The following GALNT10 variants were observed in gnomAD, a reference collection of about 807,000 sequenced individuals.
GALNT10 encodes the protein GalNAc transferase 10.
Under a neutral mutation model 75.0 loss-of-function variants are expected in GALNT10, and 41 were observed. The ratio of observed to expected loss-of-function variants is 0.55; its 90% CI spans 0.43 to 0.71. GALNT10 has a LOEUF of 0.71. Ranked by LOEUF, GALNT10 falls within the 30% of genes least tolerant of loss-of-function variation. The pLI is 0.00. For missense variants in GALNT10, 727 were observed against 818.5 expected (o/e 0.89, Z 1.36); for synonymous variants, 302 against 313.0 (o/e 0.96, Z 0.37).
chr5:154,239,260 C>T (rs576480412), intron 1 of GALNT10, among the ~76,000 whole-genome samples: 1 of 152,340 alleles, frequency 6.6e-6, no homozygotes, highest in Admixed American at 6.5e-5. Context: ...GAGGTTCTCT[C>T]GCCTCCCTTC....
intron 1 of GALNT10, chr5:154,217,923 A>G (rs557323463): frequency 4.2e-6 from 3 of 719,916 alleles, no homozygotes; most frequent in Non-Finnish European, 5.1e-6. Flanking sequence ...CTATAAATAA[A>G]TTGTACAGTT....
intron 1 of GALNT10, among the ~76,000 whole-genome samples, chr5:154,273,923 C>T (rs542941823): frequency 3.9e-5 from 6 of 152,304 alleles, no homozygotes; most frequent in East Asian, 1.9e-4. Flanking sequence ...GCTCCCCCTC[C>T]GCCTCCCAGT....
intron 1 of GALNT10, among the ~76,000 whole-genome samples, chr5:154,241,021 T>G (rs10059636): frequency 0.61 from 93,484 of 152,130 alleles, 29,748 homozygotes; most frequent in East Asian, 0.86. Flanking sequence ...GCTCAGTAAA[T>G]GGCTGGAGGT....
Position 154,409,148 on chromosome 5 carries a change from G to T in GALNT10, c.1165-393G>T, listed in dbSNP as rs1057150233. Among the ~76,000 whole-genome samples the T allele has an allele frequency of 4.6e-5, 7 of 152,204 alleles. No homozygotes were observed. Among genetic ancestry groups the T allele is most frequent in the Non-Finnish European group, 1.0e-4 (7 of 68,042 alleles). Reference sequence around the variant, plus strand: ...GTGATTGGTGGGGCTTAGGGAATGGGTCTGCTGTTTGACCAGCCCCTGCAC... The same window carrying T: ...GTGATTGGTGGGGCTTAGGGAATGGTTCTGCTGTTTGACCAGCCCCTGCAC... On this transcript the variant is annotated intron_variant, in intron 8 of 11. Transcript: ENST00000297107. This position sits in a 1 kb window ranked among gnomAD's most constrained non-coding sequence, Gnocchi z 4.5.
At chr5:154,294,052 A>C (rs1754238149) in intron 1 of GALNT10, among the ~76,000 whole-genome samples, 1 of 152,174 alleles carries the variant, frequency 6.6e-6, no homozygotes, top group African/African-American at 2.4e-5. Flanking sequence ...CAAAAAAAAG[A>C]ATGTAGGTTG....
chr5:154,333,047 G>A (rs925850643), intron 4 of GALNT10, among the ~76,000 whole-genome samples: 1 of 152,228 alleles, frequency 6.6e-6, no homozygotes, highest in Admixed American at 6.5e-5. Flanking sequence ...AGGCCCCAGA[G>A]AAGTCTCAGG....
At chr5:154,328,455 A>G (rs1178593078) in intron 3 of GALNT10, among the ~76,000 whole-genome samples, 3 of 152,242 alleles carry the variant, frequency 2.0e-5, no homozygotes, top group African/African-American at 7.2e-5. Context: ...TGTAATATGA[A>G]AAAACAAACT....
At chr5:154,359,382 G>A (rs1237243721) in intron 4 of GALNT10, among the ~76,000 whole-genome samples, 1 of 152,024 alleles carries the variant, frequency 6.6e-6, no homozygotes, top group East Asian at 1.9e-4. Flanking sequence ...TTCATGCTCA[G>A]CCCGATTTTG....
Position 154,420,261 on chromosome 5 carries a change from T to TTCCAAAG in GALNT10, c.*3292_*3298dup, listed in dbSNP as rs1465531091. Reference sequence around the variant, plus strand: ...TCTGTTAAAGATGTAACAAATGGATTTCCAAAGTCTACATGACATTCACTT... The same window carrying TTCCAAAG: ...TCTGTTAAAGATGTAACAAATGGATTTCCAAAGTCCAAAGTCTACATGACATTCACTT... On this transcript the variant is annotated 3_prime_UTR_variant, in exon 12 of 12. Transcript: ENST00000297107. 1 of 152,248 alleles carries TTCCAAAG rather than the reference T, an allele frequency of 6.6e-6. No homozygotes were observed. Among genetic ancestry groups the TTCCAAAG allele is most frequent in the Non-Finnish European group, 1.5e-5 (1 of 68,050 alleles). 9.4% of individuals were successfully genotyped at this position (152,248 alleles called of 1,614,324 possible).
chr5:154,361,917 T>C (rs1405381816), intron 4 of GALNT10, among the ~76,000 whole-genome samples: 1 of 152,170 alleles, frequency 6.6e-6, no homozygotes, highest in Non-Finnish European at 1.5e-5. Context: ...TGAGGAGCCA[T>C]GTGGCATTGC....
chr5:154,226,635 A>G (rs982093200), intron 1 of GALNT10, among the ~76,000 whole-genome samples: 2 of 152,182 alleles, frequency 1.3e-5, no homozygotes, highest in Non-Finnish European at 2.9e-5. Context: ...AGTGTTCTGT[A>G]CTTTCACCAT....
Position 154,386,314 on chromosome 5 carries a change from T to G in GALNT10, c.940T>G (p.Ser314Ala). 6.2e-7 allele frequency: 1 copy of G among 1,611,078 alleles called. No homozygotes were observed. Among genetic ancestry groups the G allele is most frequent in the Non-Finnish European group, 8.5e-7 (1 of 1,177,558 alleles). ...QKADPSDPFE[S>A]PVMAGGLFAV... is the part of the protein sequence containing the mutation. Reference sequence around the variant, plus strand: ...CACCATGTTCTTCTTCTCTGACAGGTCTCCCGTGATGGCCGGTGGACTGTT... The same window carrying G: ...CACCATGTTCTTCTTCTCTGACAGGGCTCCCGTGATGGCCGGTGGACTGTT... The change falls in exon 7 of 12, where the codon TCT becomes GCT. Residue 314 changes from serine (S) to alanine (A), a missense_variant and splice_region_variant. Ser to Ala is a moderately conservative substitution (Grantham distance 99). Coordinates refer to ENST00000297107, the MANE Select transcript of GALNT10 (RefSeq NM_198321.4).
At chr5:154,351,815 T>A (rs1018724743) in intron 4 of GALNT10, among the ~76,000 whole-genome samples, 3 of 152,254 alleles carry the variant, frequency 2.0e-5, no homozygotes, top group Non-Finnish European at 2.9e-5. Context: ...ATGACTTGCC[T>A]GAGGTTACAC....
At chr5:154,388,996 G>T (rs1755851991) in intron 7 of GALNT10, 1 of 151,678 alleles carries the variant, frequency 6.6e-6, no homozygotes, top group Admixed American at 6.6e-5. Flanking sequence ...CAGCAAATAG[G>T]TTTCTACTCC....
chr5:154,318,064 C>T (rs1007911984), intron 3 of GALNT10, among the ~76,000 whole-genome samples: 6 of 152,230 alleles, frequency 3.9e-5, no homozygotes, highest in African/African-American at 7.2e-5. Flanking sequence ...CTACTTATAA[C>T]GGGGCTGGAG....
rs555205247 is a variant in GALNT10 at position 154,335,900 on chromosome 5, T to C, written c.568+6162T>C. The stretch of plus-strand genomic sequence containing the variant: ...TACATTCTATGGATTTGGACAAGTG[T>C]AAAATGACATATATCTACCATATGA... On this transcript the variant is annotated intron_variant, in intron 4 of 11. Coordinates refer to ENST00000297107, the MANE Select transcript of GALNT10 (RefSeq NM_198321.4). 3.9e-5 allele frequency among the ~76,000 whole-genome samples: 6 copies of C among 152,308 alleles called. No individual in the cohort carries two copies. The East Asian group carries it at 1.2e-3, about 29-fold the overall frequency.
chr5:154,405,790 G>A (rs1389232453), intron 8 of GALNT10, among the ~76,000 whole-genome samples: 1 of 151,980 alleles, frequency 6.6e-6, no homozygotes, highest in Non-Finnish European at 1.5e-5. Context: ...AGGCTGCAGT[G>A]AGCTGTGTGT....
intron 1 of GALNT10, among the ~76,000 whole-genome samples, chr5:154,244,996 C>G (rs1753398152): frequency 6.6e-6 from 1 of 152,122 alleles, no homozygotes; most frequent in Non-Finnish European, 1.5e-5. Context: ...TGGGTTCTTC[C>G]TTGGAGCTGA....
intron 4 of GALNT10, among the ~76,000 whole-genome samples, chr5:154,374,213 A>G (rs2113170770): frequency 6.6e-6 from 1 of 152,312 alleles, no homozygotes; most frequent in East Asian, 1.9e-4. Context: ...CTACAGAGTC[A>G]CTGTACCAAA....
Sources: gnomAD v4.1 joint callset for allele counts (sites outside exome capture counted in the v4.1 genomes callset) on GRCh38, gnomAD v4.1.1 for gene constraint, Gnocchi (gnomAD v3.1) non-coding constraint, MANE v1.5 for transcripts, NCBI Gene and HGNC (gene_info 2026-07-23, HGNC 2026-07-21) for gene names.